Variants in CWF19L2 observed in about 807,000 individuals in gnomAD.
CWF19L2 encodes CWF19 like cell cycle control factor 2.
CWF19L2 carries 98 observed loss-of-function variants against 111.7 expected under a neutral mutation model. The observed-to-expected ratio is 0.88, with a 90% CI of 0.75 to 1.04. CWF19L2 has a LOEUF of 1.04. CWF19L2 is among the 50% of genes least tolerant of loss of function. The pLI is 0.00. For missense variants in CWF19L2, 1,101 were observed against 1,051.4 expected (o/e 1.05, Z -0.65); for synonymous variants, 351 against 342.9 (o/e 1.02, Z -0.26).
At chr11:107,405,352 A>ATTGGTTCT (rs1861061561) in intron 10 of CWF19L2, among the ~76,000 whole-genome samples, 1 of 152,200 alleles carries the variant, frequency 6.6e-6, no homozygotes, top group Admixed American at 6.5e-5. Flanking sequence ...GTTCTATACT[A>ATTGGTTCT]TTATTTAGCT....
chr11:107,449,723 ACAG>A (rs1357256559), intron 3 of CWF19L2, among the ~76,000 whole-genome samples: 1 of 152,060 alleles, frequency 6.6e-6, no homozygotes, highest in Non-Finnish European at 1.5e-5. Flanking sequence ...TAATAAGCCT[ACAG>A]CAGATGAAAT....
At chr11:107,426,804 A>C (rs1189215754) in intron 8 of CWF19L2, among the ~76,000 whole-genome samples, 1 of 151,706 alleles carries the variant, frequency 6.6e-6, no homozygotes, top group Non-Finnish European at 1.5e-5. Flanking sequence ...ACATTAAGTT[A>C]AATATATATA....
chr11:107,403,158 A>T (rs1219729162), intron 10 of CWF19L2, among the ~76,000 whole-genome samples: 1 of 151,524 alleles, frequency 6.6e-6, no homozygotes, highest in African/African-American at 2.4e-5. Context: ...TCCAGTGTAT[A>T]CTGCTTGAGT....
intron 10 of CWF19L2, among the ~76,000 whole-genome samples, chr11:107,393,656 T>C (rs546209025): frequency 6.0e-4 from 91 of 152,264 alleles, no homozygotes; most frequent in Non-Finnish European, 9.9e-4. Context: ...TAATGGATGA[T>C]TGAAAAGAGA....
chr11:107,428,669 C>T (rs1861414272), intron 8 of CWF19L2, 130 bp downstream of exon 8: 2 of 742,996 alleles, frequency 2.7e-6, no homozygotes, highest in Admixed American at 5.2e-5. Context: ...ATCTGCATAT[C>T]TTACCCCTTC....
chr11:107,334,804 T>C (rs1591147230), intron 16 of CWF19L2, 77 bp downstream of exon 16: 1 of 932,116 alleles, frequency 1.1e-6, no homozygotes, highest in Non-Finnish European at 1.7e-6. Context: ...ATGGTCCCTT[T>C]GTCAACTAAG....
chr11:107,367,619 T>C (rs550869610), intron 12 of CWF19L2, among the ~76,000 whole-genome samples: 2,323 of 114,940 alleles, frequency 0.02, 435 homozygotes, highest in African/African-American at 0.08. Flanking sequence ...TAGGTGGGAA[T>C]TGAACAATGA....
chr11:107,357,177 C>A lies in CWF19L2; in HGVS notation c.1873-3441G>T, dbSNP rs76909512. On this transcript the variant is annotated intron_variant, in intron 12 of 17. Coordinates refer to ENST00000282251, the MANE Select transcript of CWF19L2 (RefSeq NM_152434.3). ...ACTGGTTGGTCTGAATACAAAACTGCAGTGTCTGGCATATAAGTGAGGCTT... is the reference window on the plus strand; with the variant it reads ...ACTGGTTGGTCTGAATACAAAACTGAAGTGTCTGGCATATAAGTGAGGCTT... Among the ~76,000 whole-genome samples the A allele has an allele frequency of 9.2e-3, 1,394 of 152,256 alleles. 20 individuals are homozygous for A. Among genetic ancestry groups the A allele is most frequent in the African/African-American group, 0.032 (1,326 of 41,542 alleles).
At chr11:107,351,981 T>C (rs2134544794) in intron 13 of CWF19L2, among the ~76,000 whole-genome samples, 2 of 152,314 alleles carry the variant, frequency 1.3e-5, no homozygotes, top group South Asian at 4.1e-4. Context: ...GTATATCTCC[T>C]CTTCCCCCAC....
chr11:107,427,837 T>G (rs1349865802), intron 8 of CWF19L2, among the ~76,000 whole-genome samples: 1 of 152,106 alleles, frequency 6.6e-6, no homozygotes, highest in African/African-American at 2.4e-5. Context: ...TCCATTTGAC[T>G]GGGGCTTAAT....
chr11:107,330,412 GCA>G (rs1458072348), intron 16 of CWF19L2, among the ~76,000 whole-genome samples: 1 of 152,034 alleles, frequency 6.6e-6, no homozygotes, highest in African/African-American at 2.4e-5. Flanking sequence ...GAGGGACCTT[GCA>G]CATACTTAGA....
At chr11:107,343,803 T>C (rs1860039785) in intron 14 of CWF19L2, among the ~76,000 whole-genome samples, 1 of 152,190 alleles carries the variant, frequency 6.6e-6, no homozygotes, top group Non-Finnish European at 1.5e-5. Flanking sequence ...AATCACAGTC[T>C]ACTGGGGCCA....
Position 107,455,752 on chromosome 11 carries a change from C to A in CWF19L2, c.130G>T (p.Glu44Ter), listed in dbSNP as rs1034729873. 1.9e-6 allele frequency: 3 copies of A among 1,550,256 alleles called. No individual in the cohort carries two copies. Among genetic ancestry groups the A allele is most frequent in the East Asian group, 4.9e-5 (2 of 40,848 alleles). ...AGTCGCTTAAGTTCTTTACGCCTTT[C>A]TTCTTTTTCAAAATTGGCTTTAGCC... Reference protein sequence around the residue: ...RQAKANFEKEERRKELKRLRG... With the variant: ...RQAKANFEKE The change falls in exon 2 of 18, where the codon GAA becomes TAA. Residue 44 changes from glutamate to a stop codon, truncating the protein, a stop_gained. Transcript: ENST00000282251. LOFTEE classifies it high-confidence loss of function.
intron 10 of CWF19L2, among the ~76,000 whole-genome samples, chr11:107,409,786 G>A (rs1223718722): frequency 1.3e-5 from 2 of 152,054 alleles, no homozygotes; most frequent in East Asian, 3.8e-4. Context: ...CTTGTGTGAT[G>A]GCCAGACTAG....
chr11:107,371,810 A>C (rs550027795), intron 12 of CWF19L2, among the ~76,000 whole-genome samples: 1 of 136,836 alleles, frequency 7.3e-6, no homozygotes, highest in East Asian at 2.1e-4. Flanking sequence ...TGACATTCTT[A>C]AAAAGTGATC....
chr11:107,361,712 T>C (rs1293739670), intron 12 of CWF19L2, among the ~76,000 whole-genome samples: 2 of 152,244 alleles, frequency 1.3e-5, no homozygotes, highest in Admixed American at 6.5e-5. Context: ...AATATATTCC[T>C]AGGTATTATT....
At chr11:107,384,261 A>C (rs1222784514) in intron 12 of CWF19L2, among the ~76,000 whole-genome samples, 1 of 152,204 alleles carries the variant, frequency 6.6e-6, no homozygotes, top group Non-Finnish European at 1.5e-5. Context: ...TTGGAACCAG[A>C]AGTGTTTCAG....
intron 12 of CWF19L2, among the ~76,000 whole-genome samples, chr11:107,374,444 G>C (rs1860565049): frequency 7.5e-6 from 1 of 133,844 alleles, no homozygotes; most frequent in Non-Finnish European, 1.6e-5. Flanking sequence ...CTACAAGCCA[G>C]AAGAGAGTGG....
intron 10 of CWF19L2, among the ~76,000 whole-genome samples, chr11:107,409,547 TC>T (rs1440554645): frequency 6.6e-6 from 1 of 152,132 alleles, no homozygotes; most frequent in Non-Finnish European, 1.5e-5. Context: ...AAAGCTAAAT[TC>T]CTTTAGATTA....
Sources: gnomAD v4.1 joint callset for allele counts (sites outside exome capture counted in the v4.1 genomes callset) on GRCh38, gnomAD v4.1.1 for gene constraint, MANE v1.5 for transcripts, NCBI Gene and HGNC (gene_info 2026-07-23, HGNC 2026-07-21) for gene names.